Variants in PCDHGB1 observed in about 807,000 individuals in gnomAD.
PCDHGB1 encodes the protein protocadherin gamma subfamily B, 1.
A neutral mutation model predicts 56.6 loss-of-function variants in PCDHGB1; 34 were observed. The ratio of observed to expected loss-of-function variants is 0.60; its 90% CI spans 0.46 to 0.80. The LOEUF is 0.80. Ranked by LOEUF, PCDHGB1 falls within the 30% of genes least tolerant of loss-of-function variation. PCDHGB1 has a pLI of 0.00. For synonymous variants in PCDHGB1, 561 were observed against 505.9 expected, an observed-to-expected ratio of 1.11 and a Z score of -1.46; for missense variants, 1,278 against 1,204.6, an observed-to-expected ratio of 1.06 and a Z score of -0.90.
At chr5:141,449,266 G>T (rs1398403120) in intron 1 of PCDHGB1, among the ~76,000 whole-genome samples, 1 of 152,042 alleles carries the variant, frequency 6.6e-6, no homozygotes, top group Non-Finnish European at 1.5e-5. Context: ...ACAAAGAACT[G>T]TATCTCCTTC....
intron 1 of PCDHGB1, chr5:141,361,703 A>T: frequency 6.2e-7 from 1 of 1,613,388 alleles, no homozygotes; most frequent in Non-Finnish European, 8.5e-7. Context: ...TTCGATCATG[A>T]GCAGCTGCGC....
intron 1 of PCDHGB1, chr5:141,357,842 G>A (rs1294763389): frequency 9.6e-6 from 6 of 624,532 alleles, no homozygotes; most frequent in Non-Finnish European, 2.7e-6. Context: ...TTCAGTTGTA[G>A]TTTCAGCCAG....
Position 141,486,407 on chromosome 5 carries a change from C to T in PCDHGB1, c.2410-8400C>T. The T allele has an allele frequency of 6.2e-7, 1 of 1,614,134 alleles. No individual in the cohort carries two copies. Among genetic ancestry groups the T allele is most frequent in the African/African-American group, 1.3e-5 (1 of 75,046 alleles). ...CCAGTTCTCCCTGGTGACTGCTGGA[C>T]CCTTGGATCGAGAGGCCAAATCTAG... On this transcript the variant is annotated intron_variant, in intron 1 of 3. Coordinates refer to ENST00000523390, the MANE Select transcript of PCDHGB1 (RefSeq NM_018922.3). This position sits in a 1 kb window ranked among gnomAD's most constrained non-coding sequence, Gnocchi z 5.0.
chr5:141,478,073 G>A (rs756198123), intron 1 of PCDHGB1: 1 of 1,614,098 alleles, frequency 6.2e-7, no homozygotes, highest in Admixed American at 1.7e-5. Context: ...AGACAATGGG[G>A]AGCCTTCGCT....
chr5:141,360,426 G>C, intron 1 of PCDHGB1: 2 of 1,614,000 alleles, frequency 1.2e-6, no homozygotes, highest in Non-Finnish European at 1.7e-6. Context: ...AGATATGCGG[G>C]AAGCAGCCTC....
chr5:141,415,519 A>G, intron 1 of PCDHGB1: 1 of 1,614,182 alleles, frequency 6.2e-7, no homozygotes, highest in Non-Finnish European at 8.5e-7. Context: ...TTATGCGGAC[A>G]CGCTCATCAG....
At chr5:141,419,227 C>G in intron 1 of PCDHGB1, 1 of 1,614,024 alleles carries the variant, frequency 6.2e-7, no homozygotes, top group South Asian at 1.1e-5. Flanking sequence ...GACAGTCAGC[C>G]TACCTGGTCC....
intron 1 of PCDHGB1, among the ~76,000 whole-genome samples, chr5:141,438,647 CACACAT>C (rs1324641788): frequency 3.8e-5 from 4 of 106,486 alleles, no homozygotes; most frequent in South Asian, 2.8e-4. Flanking sequence ...CACACACACA[CACACAT>C]ATATGTATAT....
intron 1 of PCDHGB1, chr5:141,479,325 A>C (rs2099492835): frequency 6.6e-6 from 1 of 152,648 alleles, no homozygotes; most frequent in South Asian, 2.1e-4. Context: ...AGCCAGACTC[A>C]GTGGTGTGCA....
Position 141,388,677 on chromosome 5 carries a change from A to G in PCDHGB1, c.2409+36008A>G, listed in dbSNP as rs369048942. 2.1e-5 allele frequency: 34 copies of G among 1,613,854 alleles called. 1 individual carries two copies. Among genetic ancestry groups the G allele is most frequent in the African/African-American group, 2.7e-5 (2 of 74,914 alleles). ...CCCGGGGACCACGGTGCTACAGGTGACTGCCACGGACCAGGATGAGGGTGT... is the reference window on the plus strand; with the variant it reads ...CCCGGGGACCACGGTGCTACAGGTGGCTGCCACGGACCAGGATGAGGGTGT... On this transcript the variant is annotated intron_variant, in intron 1 of 3. Transcript: ENST00000523390.
At chr5:141,385,098 G>A (rs1175088584) in intron 1 of PCDHGB1, 2 of 1,614,080 alleles carry the variant, frequency 1.2e-6, no homozygotes, top group Non-Finnish European at 1.7e-6. Flanking sequence ...GTGGCTTGGC[G>A]AACGTGCCCA....
intron 1 of PCDHGB1, chr5:141,398,512 C>G: frequency 1.3e-6 from 2 of 1,588,756 alleles, no homozygotes; most frequent in Non-Finnish European, 1.7e-6. Context: ...CATTAATGAC[C>G]ACACGCCAAA....
intron 1 of PCDHGB1, among the ~76,000 whole-genome samples, chr5:141,358,218 A>G (rs1306876220): frequency 6.6e-6 from 1 of 152,214 alleles, no homozygotes; most frequent in Non-Finnish European, 1.5e-5. Flanking sequence ...AAAGTAAAAT[A>G]AAGAATAAAT....
intron 1 of PCDHGB1, chr5:141,409,668 A>G: frequency 6.2e-7 from 1 of 1,613,398 alleles, no homozygotes; most frequent in Non-Finnish European, 8.5e-7. Context: ...CACATCTCCT[A>G]CTCTATAGTG....
At chr5:141,460,666 C>G (rs1245201344) in intron 1 of PCDHGB1, among the ~76,000 whole-genome samples, 1 of 151,670 alleles carries the variant, frequency 6.6e-6, no homozygotes, top group South Asian at 2.1e-4. Context: ...ACTGTAAACA[C>G]AGTTATATAT....
intron 3 of PCDHGB1, among the ~76,000 whole-genome samples, chr5:141,505,976 A>G (rs911235674): frequency 1.3e-5 from 2 of 152,136 alleles, no homozygotes; most frequent in Admixed American, 1.3e-4. Context: ...CCCAGCCGAG[A>G]GAACACCTCC....
Position 141,486,690 on chromosome 5 carries a change from C to G in PCDHGB1, c.2410-8117C>G. ...AGGAATCGAGATGTATCAGCTTCCTCTTTCATCTCTCTGAACCCCCAGACA... is the reference window on the plus strand; with the variant it reads ...AGGAATCGAGATGTATCAGCTTCCTGTTTCATCTCTCTGAACCCCCAGACA... On this transcript the variant is annotated intron_variant, in intron 1 of 3. Coordinates refer to ENST00000523390, the MANE Select transcript of PCDHGB1 (RefSeq NM_018922.3). The surrounding 1 kb of genome is among the most constrained non-coding windows in gnomAD (Gnocchi z 5.0). 3 of 1,614,144 alleles carry G rather than the reference C, an allele frequency of 1.9e-6. No individual in the cohort carries two copies. The highest frequency in any genetic ancestry group is 2.5e-6 in the Non-Finnish European group (3 of 1,180,036).
intron 1 of PCDHGB1, chr5:141,396,092 A>G (rs1589275874): frequency 6.6e-6 from 1 of 152,314 alleles, no homozygotes; most frequent in East Asian, 1.9e-4. Context: ...AAGTGGTGAG[A>G]ATGTTGATAT....
At chr5:141,423,205 A>G in intron 1 of PCDHGB1, 1 of 1,613,612 alleles carries the variant, frequency 6.2e-7, no homozygotes, top group South Asian at 1.1e-5. Flanking sequence ...GGCCACCGTC[A>G]CGCTCACCGT....
Sources: gnomAD v4.1 joint callset for allele counts (sites outside exome capture counted in the v4.1 genomes callset) on GRCh38, gnomAD v4.1.1 for gene constraint, Gnocchi (gnomAD v3.1) non-coding constraint, MANE v1.5 for transcripts, NCBI Gene and HGNC (gene_info 2026-07-23, HGNC 2026-07-21) for gene names.